OR6N1: variants seen among roughly 807,000 people sequenced by gnomAD.
OR6N1 encodes olfactory receptor 6N1.
For missense variants in OR6N1, 394 were observed against 371.7 expected, an observed-to-expected ratio of 1.06 and a Z score of -0.49; for synonymous variants, 170 against 150.7, an observed-to-expected ratio of 1.13 and a Z score of -0.94.
At chr1:158,782,017 C>T in the OR6N1 span, among the ~76,000 whole-genome samples, 3 of 152,192 alleles carry the variant, frequency 2.0e-5, no homozygotes, top group Admixed American at 1.3e-4. Flanking sequence ...AGTCCATGAT[C>T]ATCACCTCTA....
chr1:158,831,940 AT>A, the OR6N1 span, among the ~76,000 whole-genome samples: 121 of 152,310 alleles, frequency 7.9e-4, no homozygotes, highest in Non-Finnish European at 1.6e-3. Context: ...TTAGTAAAAA[AT>A]AAACCAGGAT....
the OR6N1 span, among the ~76,000 whole-genome samples, chr1:158,784,263 G>T: frequency 6.6e-6 from 1 of 152,080 alleles, no homozygotes; most frequent in African/African-American, 2.4e-5. Context: ...ATAATTCATT[G>T]AGTATCCATC....
chr1:158,840,116 G>A, the OR6N1 span, among the ~76,000 whole-genome samples: 1 of 152,134 alleles, frequency 6.6e-6, no homozygotes, highest in East Asian at 1.9e-4. Context: ...GGCACTGCAA[G>A]TGTCCCAGTA....
chr1:158,776,838 A>G (rs745830421), upstream of OR6N1: 11 of 1,614,052 alleles, frequency 6.8e-6, no homozygotes, highest in South Asian at 1.2e-4. Context: ...GGGTCAGGGA[A>G]TAGCTCTTCT....
the OR6N1 span, among the ~76,000 whole-genome samples, chr1:158,788,175 C>A: frequency 6.6e-6 from 1 of 152,228 alleles, no homozygotes; most frequent in Admixed American, 6.5e-5. Flanking sequence ...ATAGAAGAAG[C>A]ATAAAAATAT....
chr1:158,808,064 T>C, the OR6N1 span, among the ~76,000 whole-genome samples: 1 of 149,910 alleles, frequency 6.7e-6, no homozygotes, highest in Non-Finnish European at 1.5e-5. Context: ...AGCTGGGCTA[T>C]GACAAATTAG....
the OR6N1 span, among the ~76,000 whole-genome samples, chr1:158,812,269 A>G: frequency 6.6e-6 from 1 of 152,238 alleles, no homozygotes; most frequent in Admixed American, 6.5e-5. Flanking sequence ...AATTACACAC[A>G]AAACAAAATC....
chr1:158,832,873 G>T, the OR6N1 span, among the ~76,000 whole-genome samples: 1 of 151,986 alleles, frequency 6.6e-6, no homozygotes, highest in Admixed American at 6.5e-5. Context: ...TAGTTGATGA[G>T]TTTAGTCCAG....
the OR6N1 span, among the ~76,000 whole-genome samples, chr1:158,778,253 T>C: frequency 0.18 from 26,615 of 152,052 alleles, 2,654 homozygotes; most frequent in South Asian, 0.48. Flanking sequence ...TACAACCCTG[T>C]AGAGAAGCAG....
At chr1:158,774,690 T>G (rs1657537089), upstream of OR6N1, 1 of 149,612 alleles carries the variant, frequency 6.7e-6, no homozygotes, top group African/African-American at 2.5e-5. Flanking sequence ...ATAGCTTACA[T>G]GCCCACCAAA....
At chr1:158,776,606 T>C, upstream of OR6N1, 1 of 762,934 alleles carries the variant, frequency 1.3e-6, no homozygotes, top group Non-Finnish European at 2.2e-6. Context: ...ATTCAGAGCA[T>C]GTGTGATGAT....
the OR6N1 span, among the ~76,000 whole-genome samples, chr1:158,830,953 T>A: frequency 6.6e-6 from 1 of 152,148 alleles, no homozygotes; most frequent in African/African-American, 2.4e-5. Context: ...ATCCAAGAGA[T>A]GAAGTCAAGT....
chr1:158,821,487 C>A, the OR6N1 span, among the ~76,000 whole-genome samples: 1 of 152,160 alleles, frequency 6.6e-6, no homozygotes, highest in South Asian at 2.1e-4. Context: ...CTTCTCACAA[C>A]CCCATGGCAA....
the OR6N1 span, among the ~76,000 whole-genome samples, chr1:158,803,585 C>G: frequency 6.6e-6 from 1 of 152,166 alleles, no homozygotes; most frequent in Non-Finnish European, 1.5e-5. Flanking sequence ...TCCTACGTTC[C>G]TCTTTTCCTC....
At chr1:158,836,683 T>TA in the OR6N1 span, among the ~76,000 whole-genome samples, 25 of 151,770 alleles carry the variant, frequency 1.6e-4, no homozygotes, top group Non-Finnish European at 3.5e-4. Context: ...CTCTTTTTTT[T>TA]ATTGATTTTC....
chr1:158,802,271 G>T, the OR6N1 span, among the ~76,000 whole-genome samples: 1 of 142,584 alleles, frequency 7.0e-6, no homozygotes, highest in African/African-American at 2.7e-5. Flanking sequence ...GCAGTGGAGC[G>T]ATCTCGGCTC....
At chr1:158,770,579 C>G (rs185591097) in intron 1 of OR6N1, among the ~76,000 whole-genome samples, 70 of 152,228 alleles carry the variant, frequency 4.6e-4, no homozygotes, top group African/African-American at 1.6e-3. Context: ...CCAGTGGCCC[C>G]CATAATTTTG....
the OR6N1 span, among the ~76,000 whole-genome samples, chr1:158,829,928 T>G: frequency 6.6e-6 from 1 of 152,186 alleles, no homozygotes; most frequent in Non-Finnish European, 1.5e-5. Flanking sequence ...AACTCCCATT[T>G]TTTAAAAACT....
the OR6N1 span, chr1:158,781,086 G>A: frequency 6.6e-6 from 1 of 152,160 alleles, no homozygotes. Context: ...TTTCAAAGTA[G>A]TATCTATTTT....
Sources: allele counts gnomAD v4.1 joint callset (sites outside exome capture counted in the v4.1 genomes callset), GRCh38; gene constraint gnomAD v4.1.1; transcripts MANE v1.5; gene names NCBI Gene and HGNC (gene_info 2026-07-23, HGNC 2026-07-21).